CSMD1: variants seen among roughly 807,000 people sequenced by gnomAD.
CSMD1 encodes CUB and sushi domain-containing protein 1.
A neutral mutation model predicts 417.5 loss-of-function variants in CSMD1; 213 were observed. The observed-to-expected ratio is 0.51, with a 90% CI of 0.46 to 0.57. CSMD1 has a LOEUF of 0.57. CSMD1 is among the 20% of genes least tolerant of loss of function. CSMD1 has a pLI of 0.00. For synonymous variants in CSMD1, 2,862 were observed against 1,736.8 expected, an observed-to-expected ratio of 1.65 and a Z score of -16.11; for missense variants, 6,923 against 4,529.7, an observed-to-expected ratio of 1.53 and a Z score of -15.17.
At chr8:4,209,506 C>A (rs191031847) in intron 3 of CSMD1, among the ~76,000 whole-genome samples, 1 of 152,174 alleles carries the variant, frequency 6.6e-6, no homozygotes, top group African/African-American at 2.4e-5. Flanking sequence ...CTCCCATGGC[C>A]CCTCCTCTCT....
intron 3 of CSMD1, among the ~76,000 whole-genome samples, chr8:4,130,206 G>C (rs978173079): frequency 2.0e-5 from 3 of 152,178 alleles, no homozygotes; most frequent in South Asian, 4.1e-4. Flanking sequence ...GTGGCTCAGG[G>C]TCCCTCACTT....
At chr8:3,344,822 T>C (rs1807884898) in intron 22 of CSMD1, among the ~76,000 whole-genome samples, 2 of 152,232 alleles carry the variant, frequency 1.3e-5, no homozygotes, top group African/African-American at 2.4e-5. Flanking sequence ...AAAGATAATT[T>C]TGTGGGTAGT....
At chr8:3,663,755 C>A in intron 7 of CSMD1, among the ~76,000 whole-genome samples, 1 of 152,016 alleles carries the variant, frequency 6.6e-6, no homozygotes, top group Admixed American at 6.5e-5. Context: ...TGGACCGAAC[C>A]AACGTTCACC....
At chr8:4,367,266 A>G (rs1309830012) in intron 3 of CSMD1, among the ~76,000 whole-genome samples, 1 of 152,112 alleles carries the variant, frequency 6.6e-6, no homozygotes, top group Non-Finnish European at 1.5e-5. Flanking sequence ...CAGCCGGGCC[A>G]GACTGCATGA....
chr8:4,766,263 C>T (rs1464277245), intron 1 of CSMD1, among the ~76,000 whole-genome samples: 1 of 152,120 alleles, frequency 6.6e-6, no homozygotes, highest in Non-Finnish European at 1.5e-5. Flanking sequence ...GCAGAATATC[C>T]TGTCGTGACT....
chr8:4,375,433 C>G (rs543522762), intron 3 of CSMD1, among the ~76,000 whole-genome samples: 2 of 152,262 alleles, frequency 1.3e-5, no homozygotes, highest in East Asian at 3.9e-4. Flanking sequence ...TGTACTACCC[C>G]AGGAAACCAG....
chr8:4,383,954 A>C (rs1006587115), intron 3 of CSMD1, among the ~76,000 whole-genome samples: 22 of 152,228 alleles, frequency 1.4e-4, no homozygotes, highest in Admixed American at 1.3e-4. Flanking sequence ...TCTTTTATGG[A>C]AACAGCTCTC....
chr8:4,710,941 G>T (rs137947654), intron 1 of CSMD1, among the ~76,000 whole-genome samples: 216 of 152,158 alleles, frequency 1.4e-3, no homozygotes, highest in African/African-American at 5.0e-3. Flanking sequence ...AAAGGACCAT[G>T]CCCTATCCTG....
chr8:4,354,845 C>G (rs1801307285), intron 3 of CSMD1, among the ~76,000 whole-genome samples: 1 of 139,610 alleles, frequency 7.2e-6, no homozygotes, highest in Non-Finnish European at 1.5e-5. Context: ...CACTAGAGGG[C>G]AGGTAAATGA....
intron 12 of CSMD1, among the ~76,000 whole-genome samples, chr8:3,416,722 C>G (rs946804525): frequency 6.6e-6 from 1 of 152,170 alleles, no homozygotes; most frequent in Non-Finnish European, 1.5e-5. Context: ...TCAGGCAAGG[C>G]AGCACTGTAC....
chr8:4,606,690 A>C (rs1351558960), intron 2 of CSMD1, among the ~76,000 whole-genome samples: 1 of 152,184 alleles, frequency 6.6e-6, no homozygotes, highest in Non-Finnish European at 1.5e-5. Context: ...TCTGTACATA[A>C]TATTGTATTA....
chr8:4,086,295 A>T (rs1409651423), intron 3 of CSMD1, among the ~76,000 whole-genome samples: 1 of 152,186 alleles, frequency 6.6e-6, no homozygotes, highest in Admixed American at 6.5e-5. Flanking sequence ...AGGCCACAAA[A>T]ACAGTCATCA....
At chr8:3,457,483 A>G (rs1332658516) in intron 12 of CSMD1, among the ~76,000 whole-genome samples, 1 of 152,204 alleles carries the variant, frequency 6.6e-6, no homozygotes, top group Non-Finnish European at 1.5e-5. Flanking sequence ...GAGGTGATCT[A>G]AAAGAAACGC....
In CSMD1 at chr8:3,343,418, T is replaced by G; in HGVS notation, c.3507A>C (p.Pro1169=). Residue 1169 remains proline (P), a synonymous_variant, in exon 23 of 70, where the codon CCA becomes CCC. Transcript: ENST00000635120. ...VYDGKDSSSR[P]LGTFTKNELL... ...GTTCATTTTTAGTGAACGTGCCCAG[T>G]GGACGTGAGGAACTGTCTTTTCCAT... The G allele has an allele frequency of 6.2e-7, 1 of 1,613,834 alleles. No homozygotes were observed. The highest frequency in any genetic ancestry group is 8.5e-7 in the Non-Finnish European group (1 of 1,179,768).
intron 3 of CSMD1, among the ~76,000 whole-genome samples, chr8:4,146,492 C>G (rs1371031388): frequency 1.3e-5 from 2 of 149,696 alleles, no homozygotes; most frequent in African/African-American, 5.0e-5. Context: ...TACCCAGTTC[C>G]TCAGACGTTG....
intron 5 of CSMD1, among the ~76,000 whole-genome samples, chr8:3,953,023 G>C (rs1297066747): frequency 6.6e-6 from 1 of 151,850 alleles, no homozygotes; most frequent in Admixed American, 6.6e-5. Context: ...TACATGAGAA[G>C]GTTTACTAAA....
chr8:3,368,187 G>T lies in CSMD1; in HGVS notation c.2900-940C>A, dbSNP rs142743389. Among the ~76,000 whole-genome samples the T allele has an allele frequency of 8.6e-3, 1,302 of 152,150 alleles. 22 individuals are homozygous for T. The highest frequency in any genetic ancestry group is 0.03 in the African/African-American group (1,235 of 41,486). ...TTCTTTATGCTTAATTTCCTTCAGG[G>T]CAAGTTCTTCTTTCATGTCATTCAT... On this transcript the variant is annotated intron_variant, in intron 19 of 69. Coordinates refer to ENST00000635120, the MANE Select transcript of CSMD1 (RefSeq NM_033225.6).
chr8:4,990,740 G>A (rs77533682), intron 1 of CSMD1, among the ~76,000 whole-genome samples: 4,745 of 152,186 alleles, frequency 0.031, 90 homozygotes, highest in Middle Eastern at 0.12. Context: ...TCATCAGGAG[G>A]AAGGGTATTG....
At chr8:4,057,919 C>G (rs541018371) in intron 3 of CSMD1, among the ~76,000 whole-genome samples, 1 of 151,604 alleles carries the variant, frequency 6.6e-6, no homozygotes, top group African/African-American at 2.4e-5. Flanking sequence ...CAGTACCATG[C>G]TGTTTTGGTT....
Sources: allele counts gnomAD v4.1 joint callset (sites outside exome capture counted in the v4.1 genomes callset), GRCh38; gene constraint gnomAD v4.1.1; transcripts MANE v1.5; gene names NCBI Gene and HGNC (gene_info 2026-07-23, HGNC 2026-07-21).